Variants in MAD1L1 observed in about 807,000 individuals in gnomAD.
MAD1L1 encodes the protein mitotic spindle assembly checkpoint protein MAD1.
MAD1L1 carries 95 observed loss-of-function variants against 96.9 expected under a neutral mutation model. That is an observed-to-expected ratio of 0.98 (90% CI 0.83 to 1.16). The LOEUF (loss-of-function observed/expected upper bound fraction) is 1.16. Among genes scored for constraint, MAD1L1 ranks in the 50% most tolerant of loss-of-function variants. The pLI is 0.00. For missense variants in MAD1L1, 1,007 were observed against 954.4 expected (o/e 1.06, Z -0.73); for synonymous variants, 473 against 396.6 (o/e 1.19, Z -2.29).
chr7:2,091,775 C>CAA (rs35981269), intron 11 of MAD1L1, among the ~76,000 whole-genome samples: 65 of 125,422 alleles, frequency 5.2e-4, no homozygotes, highest in Admixed American at 1.7e-3. Flanking sequence ...GACTCCATCT[C>CAA]AAAAAAAAAA....
intron 1 of MAD1L1, among the ~76,000 whole-genome samples, chr7:2,232,651 G>A (rs992223594): frequency 2.0e-5 from 3 of 152,174 alleles, no homozygotes; most frequent in Non-Finnish European, 2.9e-5. Flanking sequence ...CAGCCCAAAG[G>A]GGGAGTGGGG....
At chr7:1,859,344 C>T (rs1483834878) in intron 18 of MAD1L1, among the ~76,000 whole-genome samples, 1 of 152,228 alleles carries the variant, frequency 6.6e-6, no homozygotes, top group East Asian at 1.9e-4. Flanking sequence ...CCATATCGGC[C>T]CTTCCAGCTT....
chr7:2,015,681 G>A (rs79171804), intron 12 of MAD1L1, among the ~76,000 whole-genome samples: 324 of 152,354 alleles, frequency 2.1e-3, no homozygotes, highest in Admixed American at 4.6e-3. Flanking sequence ...GATTCCAGGC[G>A]CAGGCTGGCG....
At chr7:1,908,793 T>C (rs1186327131) in intron 17 of MAD1L1, among the ~76,000 whole-genome samples, 1 of 152,162 alleles carries the variant, frequency 6.6e-6, no homozygotes, top group Non-Finnish European at 1.5e-5. Context: ...CAGAGCCGTG[T>C]CTCTGTTCTC....
intron 18 of MAD1L1, among the ~76,000 whole-genome samples, chr7:1,856,236 T>C (rs1784243950): frequency 6.6e-6 from 1 of 151,934 alleles, no homozygotes; most frequent in Admixed American, 6.6e-5. Flanking sequence ...CGGGGAGGGG[T>C]GTGCCTGTGG....
chr7:1,955,239 G>T (rs1779672719), intron 16 of MAD1L1, among the ~76,000 whole-genome samples: 1 of 152,238 alleles, frequency 6.6e-6, no homozygotes, highest in African/African-American at 2.4e-5. Flanking sequence ...CAACTTGAAG[G>T]CTTCTCCAGA....
chr7:1,890,823 C>T (rs1786491595), intron 18 of MAD1L1, among the ~76,000 whole-genome samples: 1 of 152,226 alleles, frequency 6.6e-6, no homozygotes, highest in South Asian at 2.1e-4. Context: ...CCAGGGCCAA[C>T]CTGCTGTGGT....
intron 11 of MAD1L1, among the ~76,000 whole-genome samples, chr7:2,079,496 G>A (rs749373353): frequency 5.9e-5 from 9 of 152,182 alleles, no homozygotes; most frequent in African/African-American, 2.2e-4. Context: ...ACTTCTCCCC[G>A]ACTCTGCCTC....
At chr7:1,831,969 C>T (rs1177848078) in intron 18 of MAD1L1, among the ~76,000 whole-genome samples, 2 of 152,218 alleles carry the variant, frequency 1.3e-5, no homozygotes, top group African/African-American at 4.8e-5. Context: ...ACTGCTAACA[C>T]AGCATCCATC....
intron 10 of MAD1L1, among the ~76,000 whole-genome samples, chr7:2,207,248 T>C (rs1584548711): frequency 6.6e-6 from 1 of 152,118 alleles, no homozygotes; most frequent in South Asian, 2.1e-4. Context: ...AAATATATAT[T>C]TGGTCTTTCT....
At chr7:1,939,358 C>T (rs1013725691) in intron 16 of MAD1L1, among the ~76,000 whole-genome samples, 17 of 143,726 alleles carry the variant, frequency 1.2e-4, no homozygotes, top group South Asian at 4.6e-4. Flanking sequence ...CTGGAGCCAG[C>T]GGCGCACACA....
intron 13 of MAD1L1, among the ~76,000 whole-genome samples, chr7:2,011,732 G>A (rs962490407): frequency 7.9e-5 from 12 of 152,226 alleles, no homozygotes; most frequent in Non-Finnish European, 1.5e-4. Context: ...GAGGGCAGTG[G>A]CACCTGCACA....
intron 12 of MAD1L1, among the ~76,000 whole-genome samples, chr7:2,045,287 G>A (rs937695297): frequency 9.2e-5 from 14 of 152,100 alleles, no homozygotes; most frequent in African/African-American, 2.9e-4. Context: ...TCGTATCCCT[G>A]TGTCCCCGTG....
intron 11 of MAD1L1, among the ~76,000 whole-genome samples, chr7:2,123,621 T>C (rs1365152218): frequency 1.3e-5 from 2 of 152,160 alleles, no homozygotes; most frequent in South Asian, 2.1e-4. Context: ...GTCAATCCGC[T>C]GGAGGGCAGC....
intron 15 of MAD1L1, among the ~76,000 whole-genome samples, chr7:1,962,481 C>A (rs1042816119): frequency 3.3e-5 from 5 of 152,182 alleles, no homozygotes; most frequent in African/African-American, 9.7e-5. Flanking sequence ...AAAAAAACTT[C>A]TCTTCAAAAT....
At chr7:2,174,669 T>C (rs1039318378) in intron 10 of MAD1L1, among the ~76,000 whole-genome samples, 1 of 152,202 alleles carries the variant, frequency 6.6e-6, no homozygotes, top group East Asian at 1.9e-4. Flanking sequence ...TATCTGTTCA[T>C]GTAGTTTTAA....
intron 17 of MAD1L1, among the ~76,000 whole-genome samples, chr7:1,928,436 C>T (rs1562531290): frequency 6.6e-6 from 1 of 151,882 alleles, no homozygotes; most frequent in African/African-American, 2.4e-5. Flanking sequence ...CTGCTCCCCA[C>T]GACCCACCGG....
chr7:1,918,500 C>T (rs114249069), intron 17 of MAD1L1, among the ~76,000 whole-genome samples: 158 of 152,322 alleles, frequency 1.0e-3, no homozygotes, highest in African/African-American at 3.1e-3. Flanking sequence ...GCCGGGTCCA[C>T]GGCATGGGGG....
chr7:2,014,074 C>A (rs1346378767), intron 13 of MAD1L1, among the ~76,000 whole-genome samples: 1 of 152,176 alleles, frequency 6.6e-6, no homozygotes, highest in East Asian at 1.9e-4. Context: ...CACACCCTGC[C>A]CGTCAGGCCC....
Sources: gnomAD v4.1 joint callset for allele counts (sites outside exome capture counted in the v4.1 genomes callset) on GRCh38, gnomAD v4.1.1 for gene constraint, MANE v1.5 for transcripts, NCBI Gene and HGNC (gene_info 2026-07-23, HGNC 2026-07-21) for gene names.